PCDH15: variants seen among roughly 807,000 people sequenced by gnomAD.
PCDH15 encodes the protein protocadherin-15.
PCDH15 carries 129 observed loss-of-function variants against 178.5 expected under a neutral mutation model. The ratio of observed to expected loss-of-function variants is 0.72; its 90% CI spans 0.63 to 0.84. The LOEUF (loss-of-function observed/expected upper bound fraction) is 0.84. PCDH15 is among the 40% of genes least tolerant of loss of function. The pLI, the probability that PCDH15 is intolerant of heterozygous loss-of-function variation, is 0.00. For missense variants in PCDH15, 2,230 were observed against 2,099.9 expected (o/e 1.06, Z -1.21); for synonymous variants, 800 against 732.0 (o/e 1.09, Z -1.50).
intron 27 of PCDH15, among the ~76,000 whole-genome samples, chr10:53,859,918 T>A (rs1169154375): frequency 6.6e-6 from 1 of 152,110 alleles, no homozygotes. Flanking sequence ...AGAAACAGGA[T>A]TTAATCAAGG....
intron 2 of PCDH15, among the ~76,000 whole-genome samples, chr10:55,139,306 A>T (rs1304330179): frequency 6.6e-6 from 1 of 152,022 alleles, no homozygotes; most frequent in Non-Finnish European, 1.5e-5. Context: ...TTTTAAAATA[A>T]TTTTTCATTC....
At chr10:54,536,997 C>CTTTT (rs747880795) in intron 2 of PCDH15, among the ~76,000 whole-genome samples, 1,333 of 92,040 alleles carry the variant, frequency 0.014, 61 homozygotes, top group African/African-American at 0.048. Context: ...AATTTGTTTC[C>CTTTT]TTTTTTTTTT....
At chr10:54,513,885 A>C (rs530192812) in intron 3 of PCDH15, among the ~76,000 whole-genome samples, 16 of 152,334 alleles carry the variant, frequency 1.1e-4, no homozygotes, top group African/African-American at 2.4e-4. Flanking sequence ...ATTGCATGTA[A>C]TATAATGATC....
intron 3 of PCDH15, among the ~76,000 whole-genome samples, chr10:54,497,262 A>G (rs571465882): frequency 6.6e-6 from 1 of 151,480 alleles, no homozygotes; most frequent in African/African-American, 2.4e-5. Context: ...AAAAACCCTC[A>G]AGGGCACCAA....
chr10:53,849,963 A>C (rs578063258), intron 28 of PCDH15, among the ~76,000 whole-genome samples: 310 of 151,978 alleles, frequency 2.0e-3, no homozygotes, highest in African/African-American at 7.4e-3. Flanking sequence ...TATACGTGAA[A>C]TATATTATCA....
chr10:54,170,986 T>C (rs1288008157), intron 13 of PCDH15, among the ~76,000 whole-genome samples: 1 of 152,150 alleles, frequency 6.6e-6, no homozygotes, highest in Non-Finnish European at 1.5e-5. Context: ...AAATTAGCTT[T>C]ACTCAACATG....
intron 13 of PCDH15, among the ~76,000 whole-genome samples, chr10:54,160,973 A>G (rs1367356290): frequency 2.0e-5 from 3 of 152,210 alleles, no homozygotes; most frequent in African/African-American, 7.2e-5. Context: ...GTTTATTTAA[A>G]AAGTATATAT....
chr10:53,886,538 T>C (rs1421239253), intron 26 of PCDH15, among the ~76,000 whole-genome samples: 4 of 151,688 alleles, frequency 2.6e-5, no homozygotes, highest in African/African-American at 9.7e-5. Context: ...ATTCCTATCA[T>C]GACTTCATGT....
At chr10:54,680,596 G>A (rs369965173) in intron 1 of PCDH15, among the ~76,000 whole-genome samples, 2 of 152,228 alleles carry the variant, frequency 1.3e-5, no homozygotes, top group East Asian at 3.9e-4. Flanking sequence ...TAATCCCCAT[G>A]TGTCAAGGGT....
At chr10:55,449,121 A>T (rs1387082865) in intron 2 of PCDH15, among the ~76,000 whole-genome samples, 1 of 152,034 alleles carries the variant, frequency 6.6e-6, no homozygotes, top group Non-Finnish European at 1.5e-5. Context: ...AAATTGAGTA[A>T]AAATAATTCT....
At chr10:55,446,980 CAG>C (rs1839332119) in intron 2 of PCDH15, among the ~76,000 whole-genome samples, 1 of 151,780 alleles carries the variant, frequency 6.6e-6, no homozygotes, top group Non-Finnish European at 1.5e-5. Context: ...AACAGAAATA[CAG>C]AGAGACAGAT....
chr10:55,291,894 A>G (rs1335961580), intron 1 of PCDH15, among the ~76,000 whole-genome samples: 2 of 152,168 alleles, frequency 1.3e-5, no homozygotes, highest in African/African-American at 4.8e-5. Flanking sequence ...ACTGCCCCCT[A>G]TAAAACCACT....
chr10:54,378,827 C>T lies in PCDH15; in HGVS notation c.273G>A (p.Lys91=), dbSNP rs982276851. Residue 91 remains lysine (K), a synonymous_variant, in exon 4 of 38, where the codon AAG becomes AAA. Transcript: ENST00000644397. The part of the protein sequence containing the change: ...VDYWVLMDPV[K]QMLFLNSTGR... ...CGGTGCTGTTCAGGAAAAGCATTTG[C>T]TTAACAGGATCCATCAACACCCAGT... The T allele has an allele frequency of 6.2e-7, 1 of 1,613,880 alleles. No homozygotes were observed.
At chr10:54,499,774 A>G (rs2080481392) in intron 3 of PCDH15, among the ~76,000 whole-genome samples, 1 of 152,156 alleles carries the variant, frequency 6.6e-6, no homozygotes, top group African/African-American at 2.4e-5. Flanking sequence ...GTAGGAAAAA[A>G]AGATCAAACC....
At chr10:54,507,919 A>G (rs2081308316) in intron 3 of PCDH15, among the ~76,000 whole-genome samples, 1 of 151,996 alleles carries the variant, frequency 6.6e-6, no homozygotes, top group South Asian at 2.1e-4. Flanking sequence ...TTATGTTTAA[A>G]TTAGTGATTA....
At chr10:54,756,056 A>AACACACACACACAC (rs71014414) in intron 1 of PCDH15, among the ~76,000 whole-genome samples, 2,126 of 71,458 alleles carry the variant, frequency 0.03, 24 homozygotes, top group East Asian at 0.11. Context: ...CTCTACTAAA[A>AACACACACACACAC]ACACACACAC....
intron 1 of PCDH15, among the ~76,000 whole-genome samples, chr10:55,214,594 T>C (rs1291047832): frequency 6.6e-6 from 1 of 151,958 alleles, no homozygotes; most frequent in Non-Finnish European, 1.5e-5. Context: ...TACATTTTCC[T>C]GGCATATATC....
chr10:55,617,440 T>G (rs2132166599), intron 2 of PCDH15, among the ~76,000 whole-genome samples: 1 of 152,198 alleles, frequency 6.6e-6, no homozygotes, highest in South Asian at 2.1e-4. Context: ...TGCTTATATT[T>G]TTGCTGTTGA....
chr10:55,504,779 T>G (rs1840726837), intron 2 of PCDH15, among the ~76,000 whole-genome samples: 1 of 151,374 alleles, frequency 6.6e-6, no homozygotes, highest in African/African-American at 2.4e-5. Flanking sequence ...ACAACATAAT[T>G]CAACAAATAT....
Sources: allele counts gnomAD v4.1 joint callset (sites outside exome capture counted in the v4.1 genomes callset), GRCh38; gene constraint gnomAD v4.1.1; transcripts MANE v1.5; gene names NCBI Gene and HGNC (gene_info 2026-07-23, HGNC 2026-07-21).